WDPCP: variants seen among roughly 807,000 people sequenced by gnomAD.
The protein encoded by WDPCP is WD repeat containing planar cell polarity effector.
In WDPCP, 71 loss-of-function variants were observed where a neutral mutation model predicts 93.1. The observed-to-expected ratio is 0.76, with a 90% CI of 0.63 to 0.93. WDPCP has a LOEUF of 0.93. Ranked by LOEUF, WDPCP falls within the 40% of genes least tolerant of loss-of-function variation. The pLI is 0.00. For synonymous variants in WDPCP, 315 were observed against 315.0 expected (o/e 1.00, Z 0.00); for missense variants, 844 against 887.4 (o/e 0.95, Z 0.62).
At chr2:63,244,566 C>T (rs187551559) in intron 14 of WDPCP, among the ~76,000 whole-genome samples, 2 of 152,198 alleles carry the variant, frequency 1.3e-5, no homozygotes, top group East Asian at 1.9e-4. Flanking sequence ...TATAAAAGAT[C>T]CTTACAGATT....
intron 12 of WDPCP, among the ~76,000 whole-genome samples, chr2:63,344,144 T>C (rs1393832045): frequency 1.3e-5 from 2 of 152,194 alleles, no homozygotes; most frequent in Non-Finnish European, 2.9e-5. Context: ...ATCAGATTAT[T>C]TCCCTCTCCA....
intron 2 of WDPCP, among the ~76,000 whole-genome samples, chr2:63,760,853 T>G (rs1670046565): frequency 6.6e-6 from 1 of 152,162 alleles, no homozygotes; most frequent in African/African-American, 2.4e-5. Context: ...AGTCAAGGCC[T>G]GCCCACCACA....
intron 2 of WDPCP, among the ~76,000 whole-genome samples, chr2:63,794,849 C>A (rs79896999): frequency 0.011 from 1,703 of 152,338 alleles, 17 homozygotes; most frequent in African/African-American, 0.035. Flanking sequence ...TAGTCACCAG[C>A]ACTCTTCTAT....
At chr2:63,790,172 GACCAGGTGGGATC>G (rs879529032) in intron 2 of WDPCP, among the ~76,000 whole-genome samples, 17 of 152,276 alleles carry the variant, frequency 1.1e-4, no homozygotes, top group Non-Finnish European at 2.1e-4. Context: ...CCACCCATCA[GACCAGGTGGGATC>G]ACCCAGAGCC....
At chr2:63,769,499 ATGGACCATATTC>A in intron 2 of WDPCP, among the ~76,000 whole-genome samples, 1 of 152,126 alleles carries the variant, frequency 6.6e-6, no homozygotes, top group South Asian at 2.1e-4. Flanking sequence ...CTTGACCAAA[ATGGACCATATTC>A]TGGACCATAG....
chr2:63,793,500 C>CCTGGG (rs1670573853), intron 2 of WDPCP, among the ~76,000 whole-genome samples: 1 of 152,098 alleles, frequency 6.6e-6, no homozygotes, highest in Admixed American at 6.5e-5. Context: ...AATCCCAACA[C>CCTGGG]TCTGGGAGGC....
chr2:63,390,617 G>C (rs917938469), intron 10 of WDPCP, among the ~76,000 whole-genome samples: 2 of 152,092 alleles, frequency 1.3e-5, no homozygotes, highest in African/African-American at 2.4e-5. Context: ...CCGGGAGCTG[G>C]TTTTTCAAAA....
chr2:63,460,422 GA>G, intron 6 of WDPCP, among the ~76,000 whole-genome samples: 1 of 152,066 alleles, frequency 6.6e-6, no homozygotes, highest in Non-Finnish European at 1.5e-5. Context: ...AGAATAGGAT[GA>G]CTATACTTAG....
chr2:63,217,739 G>A (rs1677471846), intron 14 of WDPCP, among the ~76,000 whole-genome samples: 1 of 152,118 alleles, frequency 6.6e-6, no homozygotes, highest in South Asian at 2.1e-4. Context: ...GATGAAAAGC[G>A]ACTGAAATTT....
At chr2:63,717,165 G>C (rs1171628414) in intron 2 of WDPCP, 5 of 421,496 alleles carry the variant, frequency 1.2e-5, no homozygotes, top group Non-Finnish European at 2.3e-5. Context: ...TGGAAATGAA[G>C]AATGCATCTT....
chr2:63,767,203 A>G (rs1404849438), intron 2 of WDPCP, among the ~76,000 whole-genome samples: 2 of 152,170 alleles, frequency 1.3e-5, no homozygotes, highest in Non-Finnish European at 2.9e-5. Context: ...ATTACTGAGT[A>G]ATAGTGCATT....
rs376202345 is a variant in WDPCP at position 63,393,484 on chromosome 2, C to G, written c.1435+10564G>C. Among the ~76,000 whole-genome samples, 5 of 151,758 alleles carry G rather than the reference C, an allele frequency of 3.3e-5. No homozygotes were observed. The East Asian group carries it at 9.7e-4, about 29-fold the overall frequency. On this transcript the variant is annotated intron_variant, in intron 10 of 17. Transcript: ENST00000272321. The stretch of plus-strand genomic sequence containing the variant: ...ACATGTCACATGTATACCTATTTAT[C>G]AAACCTGCATGTTGTGCACATGTAC...
intron 9 of WDPCP, among the ~76,000 whole-genome samples, chr2:63,426,165 C>A (rs112883730): frequency 0.034 from 5,106 of 152,182 alleles, 151 homozygotes; most frequent in Non-Finnish European, 0.05. Flanking sequence ...ATGGTGAAAC[C>A]CCATTTCTAC....
At chr2:63,336,497 G>A (rs1280274345) in intron 12 of WDPCP, among the ~76,000 whole-genome samples, 1 of 152,058 alleles carries the variant, frequency 6.6e-6, no homozygotes, top group East Asian at 1.9e-4. Context: ...TCCATAAATG[G>A]CCTTTATCAT....
At chr2:63,695,097 C>G (rs1250591848) in intron 2 of WDPCP, among the ~76,000 whole-genome samples, 1 of 152,266 alleles carries the variant, frequency 6.6e-6, no homozygotes, top group East Asian at 1.9e-4. Context: ...TATCTTATTT[C>G]TCTTACTTGT....
chr2:63,826,820 T>A (rs1558920370), intron 1 of WDPCP, among the ~76,000 whole-genome samples: 1 of 152,174 alleles, frequency 6.6e-6, no homozygotes, highest in Non-Finnish European at 1.5e-5. Flanking sequence ...CTAACAAATA[T>A]ATCATTTTTC....
chr2:63,732,100 G>A (rs113872682), intron 2 of WDPCP, among the ~76,000 whole-genome samples: 2,531 of 152,308 alleles, frequency 0.017, 21 homozygotes, highest in African/African-American at 0.017. Context: ...TTTATGGTGT[G>A]TAGACACTCT....
At chr2:63,338,557 AAAAAAAAAAAAAATATAT>A (rs1196384404) in intron 12 of WDPCP, among the ~76,000 whole-genome samples, 2 of 19,274 alleles carry the variant, frequency 1.0e-4, no homozygotes, top group African/African-American at 1.1e-3. Context: ...CATCTAAAAA[AAAAAAAAAAAAAATATAT>A]ATATATATAT....
intron 14 of WDPCP, among the ~76,000 whole-genome samples, chr2:63,258,008 A>G (rs1441146714): frequency 6.6e-6 from 1 of 152,138 alleles, no homozygotes; most frequent in Non-Finnish European, 1.5e-5. Flanking sequence ...CATCATTCCT[A>G]TAAACATGGT....
Sources: gnomAD v4.1 joint callset for allele counts (sites outside exome capture counted in the v4.1 genomes callset) on GRCh38, gnomAD v4.1.1 for gene constraint, MANE v1.5 for transcripts, NCBI Gene and HGNC (gene_info 2026-07-23, HGNC 2026-07-21) for gene names.